The following HTR1F variants were observed in gnomAD, a reference collection of about 807,000 sequenced individuals.
HTR1F encodes 5-hydroxytryptamine (serotonin) receptor 1F, G protein-coupled.
In HTR1F, 17 loss-of-function variants were observed where a neutral mutation model predicts 24.0. That is an observed-to-expected ratio of 0.71 (90% CI 0.48 to 1.06). HTR1F has a LOEUF of 1.06. HTR1F is among the 50% of genes least tolerant of loss of function. HTR1F has a pLI of 0.00. For synonymous variants in HTR1F, 186 were observed against 156.8 expected (o/e 1.19, Z -1.39); for missense variants, 391 against 427.8 (o/e 0.91, Z 0.76).
chr3:87,940,122 C>T (rs1444139203), intron 2 of HTR1F, among the ~76,000 whole-genome samples: 2 of 152,106 alleles, frequency 1.3e-5, no homozygotes, highest in Non-Finnish European at 2.9e-5. Context: ...TTGTTATTTA[C>T]CCAGTAGTCA....
At chr3:87,831,455 C>T (rs1322334674) in intron 2 of HTR1F, among the ~76,000 whole-genome samples, 2 of 151,552 alleles carry the variant, frequency 1.3e-5, no homozygotes, top group Non-Finnish European at 2.9e-5. Context: ...CTCAGCCTCC[C>T]GGCTTCACGC....
chr3:87,991,327 C>T lies in HTR1F; in HGVS notation c.578C>T (p.Pro193Leu). The T allele has an allele frequency of 1.9e-6, 3 of 1,613,890 alleles. No individual in the cohort carries two copies. The highest frequency in any genetic ancestry group is 2.5e-6 in the Non-Finnish European group (3 of 1,179,950). Residue 193 changes from proline to leucine, a missense_variant, in exon 3 of 3, where the codon CCA (proline) becomes CTA (leucine). Physicochemically the swap from Pro to Leu is moderately conservative, Grantham distance 98. Coordinates refer to ENST00000319595, the MANE Select transcript of HTR1F (RefSeq NM_001322209.2). Reference sequence around the variant, plus strand: ...TCAACATTTGGAGCTTTCTACATCCCACTGGCATTGATTTTGATCCTTTAC... The same window carrying T: ...TCAACATTTGGAGCTTTCTACATCCTACTGGCATTGATTTTGATCCTTTAC... ...IYSTFGAFYI[P>L]LALILILYYK...
chr3:87,983,620 T>G (rs1268291874), intron 2 of HTR1F, among the ~76,000 whole-genome samples: 2 of 152,232 alleles, frequency 1.3e-5, no homozygotes, highest in Non-Finnish European at 2.9e-5. Context: ...TCTGGCCTGC[T>G]GTTTTATGAA....
chr3:87,802,235 C>A (rs142142891), intron 1 of HTR1F, among the ~76,000 whole-genome samples: 1 of 41,744 alleles, frequency 2.4e-5, no homozygotes, highest in Non-Finnish European at 4.0e-5. Flanking sequence ...CTCCCTCCCT[C>A]CCTTCCTTCC....
chr3:87,948,374 T>C (rs545290096), intron 2 of HTR1F, among the ~76,000 whole-genome samples: 48 of 152,320 alleles, frequency 3.2e-4, no homozygotes, highest in African/African-American at 1.1e-3. Context: ...TAAAAATGTA[T>C]TTATCCTGTT....
chr3:87,885,363 A>G (rs1360538881), intron 2 of HTR1F, among the ~76,000 whole-genome samples: 2 of 152,224 alleles, frequency 1.3e-5, no homozygotes, highest in Non-Finnish European at 2.9e-5. Context: ...GGAAATTTAT[A>G]GCACTAAATG....
At chr3:87,903,898 G>A (rs893153326) in intron 2 of HTR1F, among the ~76,000 whole-genome samples, 2 of 152,160 alleles carry the variant, frequency 1.3e-5, no homozygotes, top group African/African-American at 4.8e-5. Context: ...ATGATACACA[G>A]CTAAGAATTT....
chr3:87,834,157 C>T (rs1335495437), intron 2 of HTR1F, among the ~76,000 whole-genome samples: 1 of 152,052 alleles, frequency 6.6e-6, no homozygotes, highest in Non-Finnish European at 1.5e-5. Flanking sequence ...GGATATAAAA[C>T]CCAAGTTGGA....
At chr3:87,984,741 C>T (rs1198062812) in intron 2 of HTR1F, among the ~76,000 whole-genome samples, 1 of 151,998 alleles carries the variant, frequency 6.6e-6, no homozygotes, top group African/African-American at 2.4e-5. Context: ...TACAGGCGTG[C>T]ACCACCACAC....
intron 1 of HTR1F, among the ~76,000 whole-genome samples, chr3:87,800,767 G>GA (rs1703978161): frequency 6.6e-6 from 1 of 152,134 alleles, no homozygotes; most frequent in South Asian, 2.1e-4. Context: ...GAGTAGGAGT[G>GA]ATTTTCTGGA....
intron 1 of HTR1F, among the ~76,000 whole-genome samples, chr3:87,795,253 G>A (rs559488446): frequency 1.3e-5 from 2 of 152,198 alleles, no homozygotes; most frequent in South Asian, 4.1e-4. Context: ...CAAAGTGTTG[G>A]GATTACAGGC....
chr3:87,910,163 T>C (rs539855794), intron 2 of HTR1F: 2 of 152,142 alleles, frequency 1.3e-5, no homozygotes, highest in South Asian at 4.1e-4. Flanking sequence ...TTGATAAATT[T>C]AAGGAAGCTT....
chr3:87,944,966 C>T (rs1231503130), intron 2 of HTR1F, among the ~76,000 whole-genome samples: 1 of 152,190 alleles, frequency 6.6e-6, no homozygotes, highest in Non-Finnish European at 1.5e-5. Context: ...CTCCAATTAT[C>T]AATTATAGGT....
chr3:87,911,251 C>G (rs965481122), intron 2 of HTR1F, among the ~76,000 whole-genome samples: 1 of 151,832 alleles, frequency 6.6e-6, no homozygotes, highest in African/African-American at 2.4e-5. Context: ...AGAGAAGATC[C>G]AAATAAACAC....
chr3:87,964,871 A>C (rs1705131684), intron 2 of HTR1F, among the ~76,000 whole-genome samples: 1 of 152,106 alleles, frequency 6.6e-6, no homozygotes, highest in South Asian at 2.1e-4. Flanking sequence ...AGGGGCTTGT[A>C]GGAGGCAATT....
intron 2 of HTR1F, among the ~76,000 whole-genome samples, chr3:87,868,819 C>A (rs537928150): frequency 6.6e-6 from 1 of 152,048 alleles, no homozygotes; most frequent in Admixed American, 6.6e-5. Context: ...AGCTTAATTG[C>A]ACTGGGTATC....
intron 2 of HTR1F, among the ~76,000 whole-genome samples, chr3:87,969,498 G>A (rs1049653758): frequency 9.2e-5 from 14 of 152,132 alleles, no homozygotes; most frequent in African/African-American, 3.1e-4. Context: ...GGACTTTCAC[G>A]GGGCCTGTAG....
intron 2 of HTR1F, among the ~76,000 whole-genome samples, chr3:87,977,928 G>A (rs986942574): frequency 3.3e-5 from 5 of 152,148 alleles, no homozygotes; most frequent in Non-Finnish European, 7.4e-5. Context: ...ACTCATCCTG[G>A]AAGTCTGCAC....
rs1246225389 is a variant in HTR1F, at chr3:87,973,393, G to T, written c.-42-17315G>T. The stretch of plus-strand genomic sequence containing the variant: ...AAATTCTATTTCTTCTCTCAAAAAT[G>T]CTCTCTCTGCAGCCTGCTCCCTTCA... On this transcript the variant is annotated intron_variant, in intron 2 of 2. Transcript: ENST00000319595. Among the ~76,000 whole-genome samples the T allele has an allele frequency of 2.0e-5, 3 of 152,038 alleles. No homozygotes were observed. In the East Asian group the frequency reaches 5.8e-4, roughly 29 times the overall value.
Sources: gnomAD v4.1 joint callset for allele counts (sites outside exome capture counted in the v4.1 genomes callset) on GRCh38, gnomAD v4.1.1 for gene constraint, MANE v1.5 for transcripts, NCBI Gene and HGNC (gene_info 2026-07-23, HGNC 2026-07-21) for gene names.